The following FMNL3 variants were observed in gnomAD, a reference collection of about 807,000 sequenced individuals.
FMNL3 encodes the protein formin-like protein 3.
Under a neutral mutation model 119.6 loss-of-function variants are expected in FMNL3, and 57 were observed. That is an observed-to-expected ratio of 0.48 (90% confidence interval 0.39 to 0.59). The LOEUF (loss-of-function observed/expected upper bound fraction) is 0.59. Among genes scored for constraint, FMNL3 ranks in the 20% least tolerant of loss-of-function variants. The pLI, the probability that FMNL3 is intolerant of heterozygous loss-of-function variation, is 0.00. For synonymous variants in FMNL3, 491 were observed against 507.3 expected, an observed-to-expected ratio of 0.97 and a Z score of 0.43; for missense variants, 1,053 against 1,323.5, an observed-to-expected ratio of 0.80 and a Z score of 3.17.
intron 1 of FMNL3, among the ~76,000 whole-genome samples, chr12:49,698,122 C>T (rs779011572): frequency 1.3e-5 from 2 of 152,138 alleles, no homozygotes; most frequent in African/African-American, 4.8e-5. Flanking sequence ...AGGCACCGTA[C>T]AATTAAAAGA....
At chr12:49,702,876 C>T (rs891046924) in intron 1 of FMNL3, among the ~76,000 whole-genome samples, 1 of 152,162 alleles carries the variant, frequency 6.6e-6, no homozygotes, top group Non-Finnish European at 1.5e-5. Context: ...TGATTTGGAA[C>T]CTGATATTTA....
At chr12:49,653,900 T>C in intron 11 of FMNL3, 26 bp from the exon 12 acceptor site, 2 of 1,611,518 alleles carry the variant, frequency 1.2e-6, no homozygotes. Context: ...AGAGTAGGAG[T>C]AGTTGTAGGA....
chr12:49,695,077 T>A (rs924887769), intron 1 of FMNL3, among the ~76,000 whole-genome samples: 1 of 151,528 alleles, frequency 6.6e-6, no homozygotes, highest in Non-Finnish European at 1.5e-5. Flanking sequence ...GGTACACTCC[T>A]GCAGTCCCAG....
intron 6 of FMNL3, 99 bp downstream of exon 6, chr12:49,658,343 C>T: frequency 6.9e-7 from 1 of 1,456,638 alleles, no homozygotes; most frequent in South Asian, 1.4e-5. Flanking sequence ...AGCCTGGAAG[C>T]AAGAGTGGAG....
In FMNL3 at chr12:49,652,016, G is replaced by A; in HGVS notation, c.1520C>T (p.Ala507Val). ...GMPPSDLDLL[A>V]PAPPPEEVLP... Reference sequence around the variant, plus strand: ...GACCTCCTCAGGGGGTGGGGCTGGAGCCAGAAGGTCCAGGTCGGAGGGTGG... The same window carrying A: ...GACCTCCTCAGGGGGTGGGGCTGGAACCAGAAGGTCCAGGTCGGAGGGTGG... Residue 507 changes from alanine (A) to valine (V), a missense_variant, in exon 14 of 26, where the codon GCT becomes GTT. By Grantham distance (64) the Ala-to-Val change is moderately conservative. Transcript: ENST00000335154. The A allele has an allele frequency of 6.2e-6, 10 of 1,607,544 alleles. 1 individual carries two copies. The African/African-American group carries it at 6.7e-5, about 11-fold the overall frequency.
chr12:49,667,189 T>C (rs998769807), intron 2 of FMNL3, among the ~76,000 whole-genome samples: 2 of 151,718 alleles, frequency 1.3e-5, no homozygotes, highest in Non-Finnish European at 2.9e-5. Context: ...CCAAGATATC[T>C]GAAGAGCTGG....
chr12:49,641,207 G>A lies in FMNL3; in HGVS notation c.*4608C>T, dbSNP rs1463687685. The A allele has an allele frequency of 6.6e-6, 1 of 152,252 alleles. No individual in the cohort carries two copies. Among genetic ancestry groups the A allele is most frequent in the Admixed American group, 6.5e-5 (1 of 15,280 alleles). 9.4% of individuals were successfully genotyped at this position (152,252 alleles called of 1,614,324 possible). On this transcript the variant is annotated 3_prime_UTR_variant, in exon 26 of 26. Coordinates refer to ENST00000335154, the MANE Select transcript of FMNL3 (RefSeq NM_175736.5). Reference sequence around the variant, plus strand: ...TGAGAAGCATAGAGCCTGGCCTGTGGACATGTTTTTAGTATTGGTGGGGAG... The same window carrying A: ...TGAGAAGCATAGAGCCTGGCCTGTGAACATGTTTTTAGTATTGGTGGGGAG...
At chr12:49,673,796 C>T (rs1944110620) in intron 1 of FMNL3, among the ~76,000 whole-genome samples, 1 of 152,268 alleles carries the variant, frequency 6.6e-6, no homozygotes, top group Admixed American at 6.5e-5. Context: ...AGCCCATTGC[C>T]TACACTGCTG....
At chr12:49,676,380 C>G (rs1397034210) in intron 1 of FMNL3, among the ~76,000 whole-genome samples, 1 of 152,166 alleles carries the variant, frequency 6.6e-6, no homozygotes, top group Non-Finnish European at 1.5e-5. Context: ...GGAATATAGA[C>G]AGTGGACGAA....
chr12:49,696,474 T>C (rs1001975854), intron 1 of FMNL3, among the ~76,000 whole-genome samples: 2 of 152,212 alleles, frequency 1.3e-5, no homozygotes, highest in Non-Finnish European at 2.9e-5. Flanking sequence ...AAGGCCTTGT[T>C]GTTTAAGACT....
intron 13 of FMNL3, 92 bp from the exon 14 acceptor site, chr12:49,652,304 C>T (rs759033824): frequency 6.0e-6 from 9 of 1,487,802 alleles, no homozygotes; most frequent in African/African-American, 2.8e-5. Flanking sequence ...GTTCTCTTAA[C>T]GAGGGTCTCT....
In FMNL3 at chr12:49,642,605, C is replaced by T; in HGVS notation, c.*3210G>A. ...GTCCGTGAGCGTTTTGTGTGTGACTCAGCCTTTGAGCAGATCACCCTGGAG... is the reference window on the plus strand; with the variant it reads ...GTCCGTGAGCGTTTTGTGTGTGACTTAGCCTTTGAGCAGATCACCCTGGAG... On this transcript the variant is annotated 3_prime_UTR_variant, in exon 26 of 26. Transcript: ENST00000335154. This position sits in a 1 kb window ranked among gnomAD's most constrained non-coding sequence, Gnocchi z 5.8. The T allele has an allele frequency of 6.2e-7, 1 of 1,614,242 alleles. No individual in the cohort carries two copies. The highest frequency in any genetic ancestry group is 8.5e-7 in the Non-Finnish European group (1 of 1,180,034).
At chr12:49,706,288 C>T (rs76059547) in intron 1 of FMNL3, among the ~76,000 whole-genome samples, 5,480 of 152,194 alleles carry the variant, frequency 0.036, 141 homozygotes, top group Non-Finnish European at 0.055. Context: ...CGTTTGAAAC[C>T]CACAGAAAGA....
Position 49,649,126 on chromosome 12 carries a change from C to A in FMNL3, c.2418G>T (p.Met806Ile), listed in dbSNP as rs759077566. Residue 806 changes from methionine to isoleucine, a missense_variant, in exon 21 of 26, where the codon ATG (methionine) becomes ATT (isoleucine). Met to Ile is a conservative substitution (Grantham distance 10). Coordinates refer to ENST00000335154, the MANE Select transcript of FMNL3 (RefSeq NM_175736.5). The surrounding 1 kb of genome is among the most constrained non-coding windows in gnomAD (Gnocchi z 5.6). Reference sequence around the variant, plus strand: ...TCAAGGCGATGAAATGAAGCAGTGTCATCTTCCGGTCAGTGGACTTGGTAT... The same window carrying A: ...TCAAGGCGATGAAATGAAGCAGTGTAATCTTCCGGTCAGTGGACTTGGTAT... ...LLDTKSTDRK[M>I]TLLHFIALTV... The A allele has an allele frequency of 6.8e-6, 11 of 1,613,570 alleles. No homozygotes were observed. The highest frequency in any genetic ancestry group is 9.3e-6 in the Non-Finnish European group (11 of 1,179,768).
At chr12:49,681,984 G>A (rs373011052) in intron 1 of FMNL3, among the ~76,000 whole-genome samples, 35 of 152,156 alleles carry the variant, frequency 2.3e-4, no homozygotes, top group Middle Eastern at 3.4e-3. Flanking sequence ...GACCCTGTAA[G>A]TGGTAACTGG....
chr12:49,670,209 TA>T (rs921522583), intron 1 of FMNL3, among the ~76,000 whole-genome samples: 3 of 152,238 alleles, frequency 2.0e-5, no homozygotes, highest in Non-Finnish European at 4.4e-5. Context: ...AGGAGTCACA[TA>T]GGCCCTGCAT....
At chr12:49,687,071 T>C (rs1328677008) in intron 1 of FMNL3, among the ~76,000 whole-genome samples, 1 of 151,568 alleles carries the variant, frequency 6.6e-6, no homozygotes, top group East Asian at 1.9e-4. Flanking sequence ...AATCTTATCA[T>C]CTTATCTAAA....
chr12:49,706,476 C>A (rs1383857739), intron 1 of FMNL3, among the ~76,000 whole-genome samples: 4 of 152,204 alleles, frequency 2.6e-5, no homozygotes, highest in Non-Finnish European at 4.4e-5. Context: ...TGCCTGCAGG[C>A]CGTTCTGAAA....
rs758856869 is a variant in FMNL3, at chr12:49,643,645, C to T, written c.*2170G>A. ...AGGGGCTAGAACAAAGAAAAAGAGC[C>T]TGTCTTTCTCCTGTTGGGACTTAGT... On this transcript the variant is annotated 3_prime_UTR_variant, in exon 26 of 26. Coordinates refer to ENST00000335154, the MANE Select transcript of FMNL3 (RefSeq NM_175736.5). 13 of 1,581,510 alleles carry T rather than the reference C, an allele frequency of 8.2e-6. No individual in the cohort carries two copies. The South Asian group carries it at 1.5e-4, about 18-fold the overall frequency.
Sources: gnomAD v4.1 joint callset for allele counts (sites outside exome capture counted in the v4.1 genomes callset) on GRCh38, gnomAD v4.1.1 for gene constraint, Gnocchi (gnomAD v3.1) non-coding constraint, MANE v1.5 for transcripts, NCBI Gene and HGNC (gene_info 2026-07-23, HGNC 2026-07-21) for gene names.